Variants in COMMD10 observed in about 807,000 individuals in gnomAD.
The protein encoded by COMMD10 is COMM domain-containing protein 10.
In COMMD10, 33 loss-of-function variants were observed where a neutral mutation model predicts 28.9. The ratio of observed to expected loss-of-function variants is 1.14; its 90% CI spans 0.87 to 1.53. COMMD10 has a LOEUF of 1.53. Ranked by LOEUF, COMMD10 falls within the 40% of genes most tolerant of loss-of-function variation. The probability of loss-of-function intolerance (pLI) is 0.00; values close to 1 mark genes in which losing one functional copy is unlikely to be tolerated. For synonymous variants in COMMD10, 110 were observed against 81.7 expected (o/e 1.35, Z -1.87); for missense variants, 310 against 233.4 (o/e 1.33, Z -2.14).
At chr5:116,211,430 C>T (rs1748959939) in intron 5 of COMMD10, among the ~76,000 whole-genome samples, 1 of 152,018 alleles carries the variant, frequency 6.6e-6, no homozygotes, top group Non-Finnish European at 1.5e-5. Context: ...TATATTTAAA[C>T]ATAGAAAAGG....
At chr5:116,092,464 A>G in intron 3 of COMMD10, 81 bp from the exon 4 acceptor site, 1 of 993,916 alleles carries the variant, frequency 1.0e-6, no homozygotes, top group South Asian at 2.7e-5. Flanking sequence ...AGTCATTTAA[A>G]AATAGTTTTG....
At chr5:116,131,748 A>G (rs186478481) in intron 4 of COMMD10, among the ~76,000 whole-genome samples, 59 of 152,106 alleles carry the variant, frequency 3.9e-4, no homozygotes, top group Non-Finnish European at 7.1e-4. Context: ...CAATACACTG[A>G]TCTAAATGTT....
At chr5:116,184,817 A>G (rs1190364738) in intron 5 of COMMD10, among the ~76,000 whole-genome samples, 1 of 152,094 alleles carries the variant, frequency 6.6e-6, no homozygotes, top group Non-Finnish European at 1.5e-5. Context: ...TAGTAGAGGA[A>G]CATTGTTAAA....
chr5:116,154,604 T>C (rs1333712710), intron 5 of COMMD10, among the ~76,000 whole-genome samples: 3 of 152,150 alleles, frequency 2.0e-5, no homozygotes, highest in Non-Finnish European at 2.9e-5. Context: ...TCAGATAGTT[T>C]AGGTAAGACT....
At chr5:116,211,159 T>C (rs369947220) in intron 5 of COMMD10, among the ~76,000 whole-genome samples, 2 of 152,154 alleles carry the variant, frequency 1.3e-5, no homozygotes, top group Admixed American at 1.3e-4. Flanking sequence ...TTTATGTGTG[T>C]GTTTATGTAT....
At position 116,178,594 on chromosome 5, in the gene COMMD10, G is replaced by T. The variant is rs146889021; in HGVS notation, c.510+44416G>T. Among the ~76,000 whole-genome samples the T allele has an allele frequency of 3.4e-3, 524 of 152,132 alleles. 3 individuals are homozygous for T. Among genetic ancestry groups the T allele is most frequent in the Middle Eastern group, 0.01 (3 of 294 alleles). ...AACGGGGATGATGCCCCCTATTTGA[G>T]TTCCTGTCCCTAAAAACATTCACTA... On this transcript the variant is annotated intron_variant, in intron 5 of 6. Coordinates refer to ENST00000274458, the MANE Select transcript of COMMD10 (RefSeq NM_016144.4).
chr5:116,214,718 G>A (rs1326642237), intron 5 of COMMD10, among the ~76,000 whole-genome samples: 1 of 151,866 alleles, frequency 6.6e-6, no homozygotes, highest in Non-Finnish European at 1.5e-5. Context: ...TTAAATTATG[G>A]CCTCAATTTT....
chr5:116,086,947 A>G (rs1750123112), intron 1 of COMMD10, among the ~76,000 whole-genome samples: 1 of 152,238 alleles, frequency 6.6e-6, no homozygotes, highest in African/African-American at 2.4e-5. Flanking sequence ...ACTGCACTCC[A>G]GCCTGGGTGA....
At chr5:116,280,761 A>G (rs1189213855) in intron 5 of COMMD10, among the ~76,000 whole-genome samples, 1 of 151,880 alleles carries the variant, frequency 6.6e-6, no homozygotes, top group Non-Finnish European at 1.5e-5. Flanking sequence ...AAGATTGTCA[A>G]CAAATAATAA....
intron 2 of COMMD10, among the ~76,000 whole-genome samples, chr5:116,090,322 T>C (rs1374533797): frequency 6.6e-6 from 1 of 152,180 alleles, no homozygotes; most frequent in Non-Finnish European, 1.5e-5. Context: ...ACTTTAAAAA[T>C]ATTTTACAGT....
intron 5 of COMMD10, among the ~76,000 whole-genome samples, chr5:116,201,813 C>T (rs973966502): frequency 1.3e-5 from 2 of 152,116 alleles, no homozygotes; most frequent in African/African-American, 2.4e-5. Flanking sequence ...CAAAGTTACA[C>T]ACCCTGCAAG....
At chr5:116,285,514 C>T (rs906349061) in intron 5 of COMMD10, among the ~76,000 whole-genome samples, 2 of 151,864 alleles carry the variant, frequency 1.3e-5, no homozygotes, top group African/African-American at 4.9e-5. Flanking sequence ...CTGCTGTATT[C>T]CCCATGGTCT....
intron 5 of COMMD10, among the ~76,000 whole-genome samples, chr5:116,208,851 C>G (rs915086965): frequency 6.6e-6 from 1 of 152,152 alleles, no homozygotes; most frequent in African/African-American, 2.4e-5. Flanking sequence ...CTCATTTATT[C>G]TTAAACTTTT....
chr5:116,247,456 C>T (rs1749983456), intron 5 of COMMD10, among the ~76,000 whole-genome samples: 1 of 152,056 alleles, frequency 6.6e-6, no homozygotes. Flanking sequence ...AGCCAGCAAT[C>T]TCATTGCTGG....
intron 1 of COMMD10, chr5:116,085,469 G>A (rs572399788): frequency 9.4e-5 from 24 of 254,692 alleles, no homozygotes; most frequent in African/African-American, 4.3e-4. Context: ...TTCAGTTCCG[G>A]TTCAGACACT....
intron 5 of COMMD10, among the ~76,000 whole-genome samples, chr5:116,263,887 T>A (rs1750515550): frequency 6.6e-6 from 1 of 151,826 alleles, no homozygotes; most frequent in South Asian, 2.1e-4. Flanking sequence ...GGGCACATGT[T>A]CTCAGGACCT....
intron 5 of COMMD10, among the ~76,000 whole-genome samples, chr5:116,139,528 G>C (rs1245869518): frequency 6.6e-6 from 1 of 151,472 alleles, no homozygotes; most frequent in Non-Finnish European, 1.5e-5. Context: ...GGTGGTGTTA[G>C]TATTGACTGA....
intron 5 of COMMD10, among the ~76,000 whole-genome samples, chr5:116,136,667 G>A (rs1176846856): frequency 1.3e-5 from 2 of 152,152 alleles, no homozygotes; most frequent in Non-Finnish European, 2.9e-5. Flanking sequence ...TATTCAGGAA[G>A]ATGTGAATAT....
At chr5:116,219,598 A>C (rs1041227043) in intron 5 of COMMD10, among the ~76,000 whole-genome samples, 2 of 152,310 alleles carry the variant, frequency 1.3e-5, no homozygotes, top group Non-Finnish European at 2.9e-5. Context: ...GAAGAGGCAA[A>C]AAGCAGATTT....
Sources: gnomAD v4.1 joint callset for allele counts (sites outside exome capture counted in the v4.1 genomes callset) on GRCh38, gnomAD v4.1.1 for gene constraint, MANE v1.5 for transcripts, NCBI Gene and HGNC (gene_info 2026-07-23, HGNC 2026-07-21) for gene names.